Variants in PPP2R2B observed in about 807,000 individuals in gnomAD.
PPP2R2B encodes the protein protein phosphatase 2 regulatory subunit Bbeta.
A neutral mutation model predicts 46.0 loss-of-function variants in PPP2R2B; 5 were observed. That is an observed-to-expected ratio of 0.11 (90% CI 0.06 to 0.23). PPP2R2B has a LOEUF of 0.23. Among genes scored for constraint, PPP2R2B ranks in the 10% least tolerant of loss-of-function variants. The pLI is 1.00. For synonymous variants in PPP2R2B, 215 were observed against 206.7 expected (o/e 1.04, Z -0.34); for missense variants, 367 against 575.0 (o/e 0.64, Z 3.70).
chr5:146,670,717 A>C (rs573980913), intron 5 of PPP2R2B, among the ~76,000 whole-genome samples: 1 of 152,046 alleles, frequency 6.6e-6, no homozygotes, highest in South Asian at 2.1e-4. Flanking sequence ...GCTGGTCTCG[A>C]ACTCCTGACT....
intron 1 of PPP2R2B, among the ~76,000 whole-genome samples, chr5:146,986,222 A>T (rs1006862503): frequency 2.0e-5 from 3 of 152,184 alleles, no homozygotes; most frequent in Non-Finnish European, 2.9e-5. Flanking sequence ...TGGGAGAGAG[A>T]GAGAAAAGTG....
Position 146,878,376 on chromosome 5 carries a change from GC to G in PPP2R2B, c.-124-182del. ...CCGCTGCCTCCGGGTGCCAAGATAC[GC>G]CGTGCCCCGAGGGGTCTGGTCCCGC... On this transcript the variant is annotated intron_variant, in intron 1 of 9. Transcript: ENST00000394411. The surrounding 1 kb of genome is among the most constrained non-coding windows in gnomAD (Gnocchi z 4.5). 1 of 1,432,786 alleles carries G rather than the reference GC, an allele frequency of 7.0e-7. No individual in the cohort carries two copies. The highest frequency in any genetic ancestry group is 9.1e-7 in the Non-Finnish European group (1 of 1,099,658). The allele number at this position is 1,432,786 out of a possible 1,614,324, so 88.8% of individuals were successfully genotyped here.
intron 8 of PPP2R2B, among the ~76,000 whole-genome samples, chr5:146,594,229 G>T (rs1770942883): frequency 6.6e-6 from 1 of 152,218 alleles, no homozygotes; most frequent in African/African-American, 2.4e-5. Flanking sequence ...AGTGAAAGCA[G>T]CCAGCATGGT....
At chr5:146,901,350 G>A (rs907434224) in intron 1 of PPP2R2B, among the ~76,000 whole-genome samples, 16 of 151,938 alleles carry the variant, frequency 1.1e-4, no homozygotes, top group African/African-American at 3.9e-4. Context: ...AAATTAAAAA[G>A]AAAAATTAGC....
intron 7 of PPP2R2B, among the ~76,000 whole-genome samples, chr5:146,628,929 C>G (rs979526721): frequency 3.3e-5 from 5 of 152,192 alleles, no homozygotes; most frequent in African/African-American, 9.7e-5. Flanking sequence ...TTTCTGCTCA[C>G]TTCCCTGGTA....
At chr5:146,927,583 C>G (rs1396231802) in intron 1 of PPP2R2B, among the ~76,000 whole-genome samples, 2 of 152,160 alleles carry the variant, frequency 1.3e-5, no homozygotes, top group Non-Finnish European at 2.9e-5. Flanking sequence ...TGCCTGCATG[C>G]TGTTACACCT....
chr5:146,704,841 T>A (rs1387100640), intron 2 of PPP2R2B, among the ~76,000 whole-genome samples: 1 of 152,180 alleles, frequency 6.6e-6, no homozygotes, highest in African/African-American at 2.4e-5. Flanking sequence ...ATGATACGCA[T>A]GTGAGGCTAA....
At chr5:146,845,257 T>C (rs1759912959) in intron 2 of PPP2R2B, among the ~76,000 whole-genome samples, 1 of 152,090 alleles carries the variant, frequency 6.6e-6, no homozygotes, top group Admixed American at 6.6e-5. Flanking sequence ...ACCTCTCTTT[T>C]GTTTTCATCA....
chr5:146,878,552 C>CT lies in PPP2R2B; in HGVS notation c.-125+38dup. 1 of 1,257,360 alleles carries CT rather than the reference C, an allele frequency of 8.0e-7. No individual in the cohort carries two copies. Among genetic ancestry groups the CT allele is most frequent in the South Asian group, 1.6e-5 (1 of 62,270 alleles). 77.9% of individuals were successfully genotyped at this position (1,257,360 alleles called of 1,614,324 possible). A position where few individuals can be genotyped will look rare whatever the true frequency, so the allele number is the denominator to read the frequency against. ...AAAATGGTGCCTTTCTGGACCCGAG[C>CT]TGCAGTGGCGAGATGGCAGGGACAG... On this transcript the variant is annotated intron_variant, in intron 1 of 9. Transcript: ENST00000394411. This position sits in a 1 kb window ranked among gnomAD's most constrained non-coding sequence, Gnocchi z 4.5.
intron 2 of PPP2R2B, among the ~76,000 whole-genome samples, chr5:147,074,670 T>A (rs995588139): frequency 6.6e-6 from 1 of 152,164 alleles, no homozygotes; most frequent in African/African-American, 2.4e-5. Context: ...AATCTCGAAT[T>A]TCTTAAACAT....
chr5:146,878,566 T>C lies in PPP2R2B; in HGVS notation c.-125+25A>G. 4 of 1,246,880 alleles carry C rather than the reference T, an allele frequency of 3.2e-6. No individual in the cohort carries two copies. The South Asian group carries it at 6.4e-5, about 20-fold the overall frequency. The allele number at this position is 1,246,880 out of a possible 1,614,324, so 77.2% of individuals were successfully genotyped here. A position where few individuals can be genotyped will look rare whatever the true frequency, so the allele number is the denominator to read the frequency against. ...CTGGACCCGAGCTGCAGTGGCGAGA[T>C]GGCAGGGACAGGATTCAGGCTTGCC... On this transcript the variant is annotated intron_variant, in intron 1 of 9. Coordinates refer to ENST00000394411, the MANE Select transcript of PPP2R2B (RefSeq NM_181675.4). The surrounding 1 kb of genome is among the most constrained non-coding windows in gnomAD (Gnocchi z 4.5).
At chr5:146,844,850 C>G (rs1009239114) in intron 2 of PPP2R2B, among the ~76,000 whole-genome samples, 4 of 152,214 alleles carry the variant, frequency 2.6e-5, no homozygotes, top group African/African-American at 9.7e-5. Flanking sequence ...CCAACTTTCA[C>G]TTATTGCATT....
intron 1 of PPP2R2B, among the ~76,000 whole-genome samples, chr5:146,899,686 G>A (rs1762762619): frequency 6.6e-6 from 1 of 151,886 alleles, no homozygotes; most frequent in Non-Finnish European, 1.5e-5. Flanking sequence ...ATACAAATTA[G>A]GAAATTATTC....
chr5:146,825,171 G>A (rs143571126), intron 2 of PPP2R2B, among the ~76,000 whole-genome samples: 178 of 152,274 alleles, frequency 1.2e-3, no homozygotes, highest in Admixed American at 4.1e-3. Flanking sequence ...CAGAGCCGAC[G>A]TTATCACATA....
At chr5:146,816,025 C>T (rs1192157627) in intron 2 of PPP2R2B, among the ~76,000 whole-genome samples, 2 of 152,132 alleles carry the variant, frequency 1.3e-5, no homozygotes, top group Admixed American at 6.5e-5. Context: ...TTCTTTCAGC[C>T]GTTCCTAATA....
At chr5:147,029,446 A>G (rs1346783606) in intron 1 of PPP2R2B, among the ~76,000 whole-genome samples, 1 of 152,194 alleles carries the variant, frequency 6.6e-6, no homozygotes. Context: ...TTGGCAATCC[A>G]TATAAATGTG....
chr5:146,623,600 T>C (rs1374522289), intron 7 of PPP2R2B, among the ~76,000 whole-genome samples: 1 of 152,224 alleles, frequency 6.6e-6, no homozygotes, highest in Non-Finnish European at 1.5e-5. Context: ...TTACAGACAT[T>C]TTCAAATGGC....
intron 2 of PPP2R2B, among the ~76,000 whole-genome samples, chr5:146,763,157 C>T (rs971380972): frequency 2.0e-5 from 3 of 152,180 alleles, no homozygotes; most frequent in Non-Finnish European, 4.4e-5. Context: ...ACTCTGGAAT[C>T]ACACCCTTGT....
chr5:146,752,174 G>A (rs147370281), intron 2 of PPP2R2B, among the ~76,000 whole-genome samples: 85 of 152,220 alleles, frequency 5.6e-4, no homozygotes, highest in Middle Eastern at 3.4e-3. Flanking sequence ...GTGGGGAGAG[G>A]CTGATCAGCT....
Sources: allele counts gnomAD v4.1 joint callset (sites outside exome capture counted in the v4.1 genomes callset), GRCh38; gene constraint gnomAD v4.1.1; non-coding constraint Gnocchi (gnomAD v3.1); transcripts MANE v1.5; gene names NCBI Gene and HGNC (gene_info 2026-07-23, HGNC 2026-07-21).